Variants in PCNX4 observed in about 807,000 individuals in gnomAD.
PCNX4 encodes pecanex-like protein 4.
A neutral mutation model predicts 107.2 loss-of-function variants in PCNX4; 103 were observed. The ratio of observed to expected loss-of-function variants is 0.96; its 90% CI spans 0.82 to 1.13. PCNX4 has a LOEUF of 1.13. PCNX4 is among the 50% of genes most tolerant of loss of function. The probability of loss-of-function intolerance (pLI) is 0.00; values close to 1 mark genes in which losing one functional copy is unlikely to be tolerated. For synonymous variants in PCNX4, 541 were observed against 481.7 expected, an observed-to-expected ratio of 1.12 and a Z score of -1.61; for missense variants, 1,528 against 1,379.4, an observed-to-expected ratio of 1.11 and a Z score of -1.71.
rs756366545 is a variant in PCNX4, at chr14:60,105,647, T to A, written c.-53-1939T>A. On this transcript the variant is annotated intron_variant, in intron 1 of 10. Coordinates refer to ENST00000406854, the MANE Select transcript of PCNX4 (RefSeq NM_001330177.2). ...ACTTCAGGTACTGCACTGTTTGGAA[T>A]ATAATCATAGATGATTTCATCAAAT... is the stretch of plus-strand genomic sequence containing the variant. 5.3e-5 allele frequency among the ~76,000 whole-genome samples: 8 copies of A among 152,204 alleles called. 1 individual carries two copies. Among genetic ancestry groups the A allele is most frequent in the Admixed American group, 1.3e-4 (2 of 15,280 alleles).
chr14:60,096,984 TG>T (rs1566928561), intron 1 of PCNX4, among the ~76,000 whole-genome samples: 1 of 152,260 alleles, frequency 6.6e-6, no homozygotes, highest in African/African-American at 2.4e-5. Flanking sequence ...TTTCAAAAAC[TG>T]TAGCACACCT....
chr14:60,093,986 T>G (rs1018111155), intron 1 of PCNX4, among the ~76,000 whole-genome samples: 12 of 152,228 alleles, frequency 7.9e-5, no homozygotes, highest in Admixed American at 7.2e-4. Flanking sequence ...TATTAACCAT[T>G]TGTATATCAT....
chr14:60,147,394 A>C lies in PCNX4; in HGVS notation c.*13173A>C, dbSNP rs1896434339. ...TAAGAAGATTTTAAGTGTTCTCACC[A>C]CACACAAAAAAAGGTAACTGGGTGA... On this transcript the variant is annotated 3_prime_UTR_variant, in exon 11 of 11. Transcript: ENST00000406854. 6.6e-6 allele frequency: 1 copy of C among 152,198 alleles called. No homozygotes were observed. The highest frequency in any genetic ancestry group is 1.5e-5 in the Non-Finnish European group (1 of 68,052). The allele number at this position is 152,198 out of a possible 1,614,324, so 9.4% of individuals were successfully genotyped here. A position where few individuals can be genotyped will look rare whatever the true frequency, so the allele number is the denominator to read the frequency against.
At chr14:60,121,358 T>G in intron 8 of PCNX4, 59 bp downstream of exon 8, 1 of 1,538,568 alleles carries the variant, frequency 6.5e-7, no homozygotes, top group Non-Finnish European at 8.9e-7. Context: ...AAATTTTACC[T>G]GTTATGTTCA....
At position 60,096,666 on chromosome 14, in the gene PCNX4, A is replaced by C. The variant is rs952154911; in HGVS notation, c.-54+4247A>C. Among the ~76,000 whole-genome samples, 9 of 152,308 alleles carry C rather than the reference A, an allele frequency of 5.9e-5. No individual in the cohort carries two copies. In the South Asian group the frequency reaches 1.9e-3, roughly 32 times the overall value. On this transcript the variant is annotated intron_variant, in intron 1 of 10. Transcript: ENST00000406854. Reference sequence around the variant, plus strand: ...GATCATTGGCACCCAATGGGTGGCAAGCCATTCAGTGTCTTGTAATATGAT... The same window carrying C: ...GATCATTGGCACCCAATGGGTGGCACGCCATTCAGTGTCTTGTAATATGAT...
intron 1 of PCNX4, among the ~76,000 whole-genome samples, chr14:60,092,931 A>G (rs1275195527): frequency 2.0e-5 from 3 of 152,022 alleles, no homozygotes; most frequent in African/African-American, 7.2e-5. Flanking sequence ...TGTATCCATC[A>G]TTTTTCACTT....
At chr14:60,106,610 C>T (rs572790095) in intron 1 of PCNX4, among the ~76,000 whole-genome samples, 1 of 152,096 alleles carries the variant, frequency 6.6e-6, no homozygotes, top group Non-Finnish European at 1.5e-5. Context: ...TTTAAAAACT[C>T]CATAGAGGTA....
At chr14:60,097,470 CAG>C (rs1252148385) in intron 1 of PCNX4, among the ~76,000 whole-genome samples, 8 of 152,218 alleles carry the variant, frequency 5.3e-5, no homozygotes, top group Non-Finnish European at 1.2e-4. Flanking sequence ...GAATATCTGA[CAG>C]GGAATCTCAA....
chr14:60,139,085 CAA>C lies in PCNX4; in HGVS notation c.*4866_*4867del, dbSNP rs1397973482. On this transcript the variant is annotated 3_prime_UTR_variant, in exon 11 of 11. Coordinates refer to ENST00000406854, the MANE Select transcript of PCNX4 (RefSeq NM_001330177.2). ...TAGAGAAAATATAGAACAAATAGGA[CAA>C]ATAGAAATCAAACAGTAGATTAGGA... 1 of 151,822 alleles carries C rather than the reference CAA, an allele frequency of 6.6e-6. No individual in the cohort carries two copies. The highest frequency in any genetic ancestry group is 1.5e-5 in the Non-Finnish European group (1 of 67,886). 9.4% of individuals were successfully genotyped at this position (151,822 alleles called of 1,614,324 possible).
rs1896197276 is a variant in PCNX4, at chr14:60,133,791, T to C, written c.3268-179T>C. ...AAAGAACCAAGGAAGTAGAGGTAAT[T>C]CTTGATTCTGAATACAGGCAACTTG... On this transcript the variant is annotated intron_variant, in intron 10 of 10. Transcript: ENST00000406854. 4 of 679,770 alleles carry C rather than the reference T, an allele frequency of 5.9e-6. No individual in the cohort carries two copies. The East Asian group carries it at 1.1e-4, about 19-fold the overall frequency. 42.1% of individuals were successfully genotyped at this position (679,770 alleles called of 1,614,324 possible). A position where few individuals can be genotyped will look rare whatever the true frequency, so the allele number is the denominator to read the frequency against.
chr14:60,133,211 G>A (rs1177960881), intron 10 of PCNX4, among the ~76,000 whole-genome samples: 3 of 152,164 alleles, frequency 2.0e-5, no homozygotes, highest in Non-Finnish European at 2.9e-5. Context: ...ATCAATTGCT[G>A]AAAACAAATT....
chr14:60,112,153 T>C (rs964100051), intron 2 of PCNX4, among the ~76,000 whole-genome samples: 1 of 152,012 alleles, frequency 6.6e-6, no homozygotes, highest in Non-Finnish European at 1.5e-5. Context: ...TTCTGTGCAT[T>C]TTAATTTTTA....
At chr14:60,116,182 C>T (rs1895845386) in intron 6 of PCNX4, 122 bp downstream of exon 6, 2 of 992,018 alleles carry the variant, frequency 2.0e-6, no homozygotes, top group Admixed American at 6.9e-5. Context: ...ACATTTTCAA[C>T]ATCCCAAAAA....
intron 10 of PCNX4, among the ~76,000 whole-genome samples, chr14:60,126,955 A>G (rs1394942343): frequency 6.6e-6 from 1 of 152,192 alleles, no homozygotes; most frequent in Non-Finnish European, 1.5e-5. Flanking sequence ...AGTGTCGCTC[A>G]AGAGAGAAGC....
At chr14:60,104,734 T>C (rs542153495) in intron 1 of PCNX4, among the ~76,000 whole-genome samples, 1 of 152,296 alleles carries the variant, frequency 6.6e-6, no homozygotes, top group African/African-American at 2.4e-5. Flanking sequence ...GTGAGACTTA[T>C]TCACTACCAC....
Position 60,124,547 on chromosome 14 carries a change from T to A in PCNX4, c.2376T>A (p.Pro792=). ...VHNTENKGKA[P]LMLPALNTLP... is the part of the protein sequence containing the mutation. ...ACACTGAAAATAAAGGGAAAGCACC[T>A]CTAATGTTGCCTGCTTTGAACACTT... The change falls in exon 9 of 11, where the codon CCT becomes CCA. Residue 792 remains proline, a synonymous_variant. Transcript: ENST00000406854. 3 of 1,613,738 alleles carry A rather than the reference T, an allele frequency of 1.9e-6. No homozygotes were observed. Among genetic ancestry groups the A allele is most frequent in the Non-Finnish European group, 2.5e-6 (3 of 1,179,744 alleles).
rs1157451586 is a variant in PCNX4 at position 60,146,520 on chromosome 14, A to G, written c.*12299A>G. The G allele has an allele frequency of 6.6e-6, 1 of 152,236 alleles. No homozygotes were observed. Among genetic ancestry groups the G allele is most frequent in the African/African-American group, 2.4e-5 (1 of 41,470 alleles). 9.4% of individuals were successfully genotyped at this position (152,236 alleles called of 1,614,324 possible). On this transcript the variant is annotated 3_prime_UTR_variant, in exon 11 of 11. Coordinates refer to ENST00000406854, the MANE Select transcript of PCNX4 (RefSeq NM_001330177.2). The surrounding 1 kb of genome is among the most constrained non-coding windows in gnomAD (Gnocchi z 4.9). ...AATAGAATTACCATCTGATCCAGCA[A>G]TTCCACTTAAGGGTATAAATCTAAA...
intron 1 of PCNX4, among the ~76,000 whole-genome samples, chr14:60,104,073 C>T (rs561402843): frequency 2.6e-5 from 4 of 152,134 alleles, no homozygotes; most frequent in Non-Finnish European, 5.9e-5. Flanking sequence ...GTAATTCCAG[C>T]ATTTTGAGAG....
intron 2 of PCNX4, 31 bp downstream of exon 2, chr14:60,108,358 CTT>C (rs1895672096): frequency 6.6e-7 from 1 of 1,508,938 alleles, no homozygotes. Context: ...TTGTAACTAA[CTT>C]TGTTTTTAAG....
Sources: gnomAD v4.1 joint callset for allele counts (sites outside exome capture counted in the v4.1 genomes callset) on GRCh38, gnomAD v4.1.1 for gene constraint, Gnocchi (gnomAD v3.1) non-coding constraint, MANE v1.5 for transcripts, NCBI Gene and HGNC (gene_info 2026-07-23, HGNC 2026-07-21) for gene names.